The following EYS variants were observed in gnomAD, a reference collection of about 807,000 sequenced individuals.
EYS encodes protein eyes shut homolog.
A neutral mutation model predicts 282.1 loss-of-function variants in EYS; 250 were observed. The observed-to-expected ratio is 0.89, with a 90% CI of 0.80 to 0.98. EYS has a LOEUF of 0.98. EYS is among the 50% of genes least tolerant of loss of function. EYS has a pLI of 0.00. For missense variants in EYS, 4,016 were observed against 3,709.0 expected, an observed-to-expected ratio of 1.08 and a Z score of -2.15; for synonymous variants, 1,355 against 1,282.9, an observed-to-expected ratio of 1.06 and a Z score of -1.20.
chr6:65,053,883 T>C (rs1026312954), intron 13 of EYS, among the ~76,000 whole-genome samples: 2 of 151,956 alleles, frequency 1.3e-5, no homozygotes, highest in East Asian at 1.9e-4. Flanking sequence ...ATTTACCAAC[T>C]TAATCTTGTG....
chr6:65,644,243 A>C (rs1767379229), intron 1 of EYS, among the ~76,000 whole-genome samples: 1 of 152,216 alleles, frequency 6.6e-6, no homozygotes, highest in South Asian at 2.1e-4. Flanking sequence ...ACTTATAGAA[A>C]GAAGGATACA....
chr6:64,620,402 C>T (rs774515021), intron 23 of EYS, among the ~76,000 whole-genome samples: 1 of 152,144 alleles, frequency 6.6e-6, no homozygotes, highest in African/African-American at 2.4e-5. Flanking sequence ...GAAGAATCTG[C>T]TAAGACACCC....
chr6:64,591,750 T>C lies in EYS; in HGVS notation c.4117A>G (p.Ile1373Val). 6.4e-7 allele frequency: 1 copy of C among 1,551,328 alleles called. No individual in the cohort carries two copies. The highest frequency in any genetic ancestry group is 8.7e-7 in the Non-Finnish European group (1 of 1,146,754). Residue 1373 changes from isoleucine (I) to valine (V), a missense_variant, in exon 26 of 43, where the codon ATT becomes GTT. Transcript: ENST00000503581. ...CCTAGTGTGGCTGCTGAAGTTCGAA[T>C]AGGCATATGTGATACCGATGTTTTG... ...QDKTSVSHMP[I>V]RTSAATLGFF...
chr6:64,928,297 A>T (rs761429132), intron 15 of EYS, among the ~76,000 whole-genome samples: 4 of 152,068 alleles, frequency 2.6e-5, no homozygotes, highest in Non-Finnish European at 4.4e-5. Context: ...ATTATCTTTC[A>T]AAAAAAGAAA....
chr6:65,122,400 A>G (rs893669228), intron 12 of EYS, among the ~76,000 whole-genome samples: 2 of 152,134 alleles, frequency 1.3e-5, no homozygotes, highest in Admixed American at 6.5e-5. Context: ...AATTGGGCTT[A>G]TGCACTGGAT....
At position 65,689,582 on chromosome 6, in the gene EYS, A is replaced by T. The variant is rs1562330112; in HGVS notation, c.-448+17553T>A. 1.3e-5 allele frequency among the ~76,000 whole-genome samples: 2 copies of T among 150,242 alleles called. 1 individual carries two copies. The highest frequency in any genetic ancestry group is 3.0e-5 in the Non-Finnish European group (2 of 67,680). ...TGAAAAGTAGAAAAAATTATCCTAT[A>T]TTATTTTGAGTTGCTGTGATATATA... On this transcript the variant is annotated intron_variant, in intron 1 of 42. Transcript: ENST00000503581.
intron 40 of EYS, among the ~76,000 whole-genome samples, chr6:63,772,167 ATT>A (rs762369443): frequency 6.8e-6 from 1 of 146,274 alleles, no homozygotes; most frequent in Non-Finnish European, 1.5e-5. Flanking sequence ...AAAAAGAAAG[ATT>A]TTTTTTTTTG....
intron 26 of EYS, among the ~76,000 whole-genome samples, chr6:64,508,508 AATG>A (rs960868834): frequency 1.7e-4 from 26 of 151,090 alleles, no homozygotes; most frequent in African/African-American, 5.8e-4. Context: ...ACTAAGGAGA[AATG>A]ATATCCGCAT....
In EYS at chr6:64,416,625, T is replaced by C. The variant is rs1774066223; in HGVS notation, c.5927+19549A>G. On this transcript the variant is annotated intron_variant, in intron 28 of 42. Transcript: ENST00000503581. Reference sequence around the variant, plus strand: ...TCATTAGGCAAAACTTCATAAGTACTTAATGTTTATCACTCACCATAGCTA... The same window carrying C: ...TCATTAGGCAAAACTTCATAAGTACCTAATGTTTATCACTCACCATAGCTA... Among the ~76,000 whole-genome samples, 3 of 152,058 alleles carry C rather than the reference T, an allele frequency of 2.0e-5. No individual in the cohort carries two copies. The South Asian group carries it at 6.2e-4, about 32-fold the overall frequency.
intron 8 of EYS, among the ~76,000 whole-genome samples, chr6:65,377,144 T>C (rs1173111889): frequency 6.6e-6 from 1 of 152,060 alleles, no homozygotes; most frequent in African/African-American, 2.4e-5. Flanking sequence ...CCTCAACAAA[T>C]GCAAAAGAAT....
At chr6:64,311,496 C>T (rs1267228961) in intron 29 of EYS, among the ~76,000 whole-genome samples, 3 of 152,040 alleles carry the variant, frequency 2.0e-5, no homozygotes, top group African/African-American at 7.2e-5. Context: ...TGTAAAATGG[C>T]AATGTAGTAT....
chr6:64,018,436 A>T (rs1007633440), intron 33 of EYS, among the ~76,000 whole-genome samples: 1 of 152,148 alleles, frequency 6.6e-6, no homozygotes, highest in African/African-American at 2.4e-5. Context: ...TATCTGCATT[A>T]AGAATATGTT....
intron 30 of EYS, among the ~76,000 whole-genome samples, chr6:64,238,527 A>G (rs1193514084): frequency 6.6e-6 from 1 of 151,580 alleles, no homozygotes. Flanking sequence ...GTAGTTTTTC[A>G]TCCCTCATCT....
chr6:65,649,041 G>A (rs1171749785), intron 1 of EYS, among the ~76,000 whole-genome samples: 1 of 149,896 alleles, frequency 6.7e-6, no homozygotes, highest in African/African-American at 2.4e-5. Flanking sequence ...AGCTACTCGG[G>A]AGGCTGAGGC....
intron 30 of EYS, among the ~76,000 whole-genome samples, chr6:64,240,469 A>G (rs1387507672): frequency 6.6e-6 from 1 of 152,134 alleles, no homozygotes; most frequent in African/African-American, 2.4e-5. Flanking sequence ...GGTCCTTCAC[A>G]TCCCTTGTAA....
intron 30 of EYS, among the ~76,000 whole-genome samples, chr6:64,301,722 C>A (rs1382154484): frequency 6.6e-6 from 1 of 152,194 alleles, no homozygotes; most frequent in Non-Finnish European, 1.5e-5. Context: ...TGCTGATAAA[C>A]CCCTTCAGTT....
At chr6:65,669,621 A>C (rs1768316886) in intron 1 of EYS, among the ~76,000 whole-genome samples, 1 of 151,986 alleles carries the variant, frequency 6.6e-6, no homozygotes, top group Non-Finnish European at 1.5e-5. Context: ...GCAGGCCAGA[A>C]ATGTAAGAGC....
chr6:64,067,944 T>A (rs1229750276), intron 32 of EYS, among the ~76,000 whole-genome samples: 1 of 152,138 alleles, frequency 6.6e-6, no homozygotes, highest in African/African-American at 2.4e-5. Flanking sequence ...CTGTGAAAAA[T>A]GCTGCTATGA....
At chr6:64,473,566 A>C (rs1776182826) in intron 26 of EYS, among the ~76,000 whole-genome samples, 1 of 152,234 alleles carries the variant, frequency 6.6e-6, no homozygotes, top group Non-Finnish European at 1.5e-5. Flanking sequence ...TTAGTAAATG[A>C]TAAATACAAT....
Sources: gnomAD v4.1 joint callset for allele counts (sites outside exome capture counted in the v4.1 genomes callset) on GRCh38, gnomAD v4.1.1 for gene constraint, MANE v1.5 for transcripts, NCBI Gene and HGNC (gene_info 2026-07-23, HGNC 2026-07-21) for gene names.